The following TCF20 variants were observed in gnomAD, a reference collection of about 807,000 sequenced individuals.
TCF20 encodes the protein SPRE-binding protein.
A neutral mutation model predicts 148.6 loss-of-function variants in TCF20; 3 were observed. The observed-to-expected ratio is 0.02, with a 90% CI of 0.01 to 0.05. The LOEUF (loss-of-function observed/expected upper bound fraction) is 0.05. Ranked by LOEUF, TCF20 falls within the 10% of genes least tolerant of loss-of-function variation. The pLI is 1.00. For missense variants in TCF20, 2,350 were observed against 2,429.3 expected, an observed-to-expected ratio of 0.97 and a Z score of 0.69; for synonymous variants, 1,049 against 909.5, an observed-to-expected ratio of 1.15 and a Z score of -2.76.
chr22:42,189,833 T>A (rs1009883614), intron 2 of TCF20, among the ~76,000 whole-genome samples: 4 of 152,224 alleles, frequency 2.6e-5, no homozygotes, highest in Admixed American at 6.5e-5. Context: ...ATTCAGATAT[T>A]CCTTATCAGA....
At chr22:42,238,984 G>A (rs1170232506) in intron 1 of TCF20, among the ~76,000 whole-genome samples, 4 of 151,996 alleles carry the variant, frequency 2.6e-5, no homozygotes, top group African/African-American at 9.7e-5. Flanking sequence ...CAGGTGTGAT[G>A]GCGGGCACCT....
intron 1 of TCF20, among the ~76,000 whole-genome samples, chr22:42,303,301 C>T (rs761378212): frequency 2.8e-4 from 43 of 152,240 alleles, no homozygotes; most frequent in Non-Finnish European, 5.6e-4. Flanking sequence ...CTTCACCACG[C>T]GTACCGAGGA....
At chr22:42,169,570 T>A (rs1935995314) in intron 4 of TCF20, among the ~76,000 whole-genome samples, 1 of 152,124 alleles carries the variant, frequency 6.6e-6, no homozygotes, top group Non-Finnish European at 1.5e-5. Flanking sequence ...TCGAGTTAGA[T>A]ATTCTCACCT....
chr22:42,264,183 T>C (rs937081728), intron 1 of TCF20, among the ~76,000 whole-genome samples: 2 of 148,510 alleles, frequency 1.3e-5, no homozygotes, highest in Non-Finnish European at 3.0e-5. Context: ...TTGCTTTCCT[T>C]GACATCCCCA....
intron 2 of TCF20, among the ~76,000 whole-genome samples, chr22:42,207,822 GA>G (rs576226742): frequency 6.7e-6 from 1 of 149,064 alleles, no homozygotes; most frequent in African/African-American, 2.5e-5. Flanking sequence ...TCTCAATAAA[GA>G]AAAAAAAATC....
chr22:42,180,883 G>A (rs772860243), intron 2 of TCF20, among the ~76,000 whole-genome samples: 1 of 152,186 alleles, frequency 6.6e-6, no homozygotes, highest in Admixed American at 6.5e-5. Context: ...AGACAAAAGA[G>A]GTAGGAACAA....
intron 2 of TCF20, among the ~76,000 whole-genome samples, chr22:42,208,709 G>C (rs1244206399): frequency 6.6e-6 from 1 of 152,096 alleles, no homozygotes; most frequent in Non-Finnish European, 1.5e-5. Flanking sequence ...ACATAAAACA[G>C]AGGAGAAAAG....
chr22:42,316,248 C>T (rs1421537755), intron 1 of TCF20, among the ~76,000 whole-genome samples: 1 of 151,958 alleles, frequency 6.6e-6, no homozygotes, highest in African/African-American at 2.4e-5. Flanking sequence ...AGGAAAGTCA[C>T]CAGGCACAAA....
chr22:42,330,140 T>C (rs889791719), intron 1 of TCF20, among the ~76,000 whole-genome samples: 6 of 152,092 alleles, frequency 3.9e-5, no homozygotes, highest in African/African-American at 1.5e-4. Context: ...GGCCAGGGCC[T>C]CTCAGGGGGC....
intron 1 of TCF20, among the ~76,000 whole-genome samples, chr22:42,225,171 T>C (rs1191864892): frequency 6.6e-6 from 1 of 151,996 alleles, no homozygotes; most frequent in South Asian, 2.1e-4. Context: ...AATTTTTGTA[T>C]TTTTAGTAGA....
chr22:42,171,724 C>T (rs1416970231), intron 3 of TCF20, among the ~76,000 whole-genome samples: 1 of 152,252 alleles, frequency 6.6e-6, no homozygotes, highest in South Asian at 2.1e-4. Flanking sequence ...ACAACTGGAG[C>T]TCAGGGGATA....
At chr22:42,224,304 T>TA (rs1458144601) in intron 1 of TCF20, among the ~76,000 whole-genome samples, 1 of 151,918 alleles carries the variant, frequency 6.6e-6, no homozygotes, top group African/African-American at 2.4e-5. Context: ...ACCCCGTCTC[T>TA]ACTAAAAATA....
intron 2 of TCF20, among the ~76,000 whole-genome samples, chr22:42,183,599 C>G (rs1327350133): frequency 1.3e-5 from 2 of 152,128 alleles, no homozygotes; most frequent in African/African-American, 2.4e-5. Context: ...TTTTCCAAAG[C>G]CCAGCCCACA....
At position 42,219,355 on chromosome 22, in the gene TCF20, C is replaced by CAAAAAA. The variant is rs528664836; in HGVS notation, c.-36-4020_-36-4015dup. Reference sequence around the variant, plus strand: ...ACCCTGGGTGACAGTAACCCTGTCTCAAAAAAAAAAAAAAAAAAAAAAAAA... The same window carrying CAAAAAA: ...ACCCTGGGTGACAGTAACCCTGTCTCAAAAAAAAAAAAAAAAAAAAAAAAAAAAAAA... On this transcript the variant is annotated intron_variant, in intron 1 of 5. Coordinates refer to ENST00000677622, the MANE Select transcript of TCF20 (RefSeq NM_001378418.1). 1.6e-3 allele frequency among the ~76,000 whole-genome samples: 68 copies of CAAAAAA among 43,562 alleles called. 6 individuals are homozygous for CAAAAAA. Among genetic ancestry groups the CAAAAAA allele is most frequent in the East Asian group, 2.9e-3 (7 of 2,422 alleles). The allele number at this position is 43,562 out of a possible 152,430, so 28.6% of individuals were successfully genotyped here.
intron 5 of TCF20, among the ~76,000 whole-genome samples, chr22:42,165,181 A>C (rs182723688): frequency 3.2e-3 from 487 of 152,342 alleles, no homozygotes; most frequent in African/African-American, 0.011. Context: ...CCTCTGGACC[A>C]GTTTGGGGAA....
chr22:42,200,139 T>C (rs546209042), intron 2 of TCF20, among the ~76,000 whole-genome samples: 2 of 152,360 alleles, frequency 1.3e-5, no homozygotes, highest in East Asian at 3.8e-4. Flanking sequence ...AACATGTATA[T>C]TAGGCTGAAC....
intron 2 of TCF20, 34 bp downstream of exon 2, chr22:42,209,617 A>T (rs1213832156): frequency 1.3e-6 from 2 of 1,547,212 alleles, no homozygotes. Context: ...ATGAAATAAA[A>T]ATCCCAAGCT....
intron 1 of TCF20, among the ~76,000 whole-genome samples, chr22:42,253,469 T>C (rs961931884): frequency 6.6e-6 from 1 of 152,218 alleles, no homozygotes; most frequent in Admixed American, 6.5e-5. Context: ...AGGGATTACA[T>C]AAATATATTA....
intron 1 of TCF20, among the ~76,000 whole-genome samples, chr22:42,313,054 C>G (rs907968708): frequency 6.6e-6 from 1 of 152,174 alleles, no homozygotes; most frequent in African/African-American, 2.4e-5. Context: ...GTCACACCAT[C>G]ACCATACTGT....
Sources: allele counts gnomAD v4.1 joint callset (sites outside exome capture counted in the v4.1 genomes callset), GRCh38; gene constraint gnomAD v4.1.1; transcripts MANE v1.5; gene names NCBI Gene and HGNC (gene_info 2026-07-23, HGNC 2026-07-21).